ERC2: variants seen among roughly 807,000 people sequenced by gnomAD.
ERC2 encodes ERC protein 2.
Under a neutral mutation model 114.8 loss-of-function variants are expected in ERC2, and 42 were observed. The observed-to-expected ratio is 0.37, with a 90% CI of 0.29 to 0.47. The LOEUF is 0.47. Ranked by LOEUF, ERC2 falls within the 20% of genes least tolerant of loss-of-function variation. The probability of loss-of-function intolerance (pLI) is 0.99; values close to 1 mark genes in which losing one functional copy is unlikely to be tolerated. For missense variants in ERC2, 939 were observed against 1,150.7 expected (o/e 0.82, Z 2.66); for synonymous variants, 454 against 425.5 (o/e 1.07, Z -0.82).
chr3:56,142,638 T>C (rs920662025), intron 5 of ERC2, among the ~76,000 whole-genome samples: 4 of 152,128 alleles, frequency 2.6e-5, no homozygotes, highest in African/African-American at 9.6e-5. Flanking sequence ...CTCTTGTTCT[T>C]TATTCATATT....
At chr3:56,313,196 G>A (rs2150401533) in intron 2 of ERC2, among the ~76,000 whole-genome samples, 1 of 150,154 alleles carries the variant, frequency 6.7e-6, no homozygotes, top group East Asian at 2.0e-4. Context: ...AGGAGGATGG[G>A]GAAATGACTG....
intron 7 of ERC2, among the ~76,000 whole-genome samples, chr3:56,042,324 G>A (rs1292718146): frequency 1.3e-5 from 2 of 152,202 alleles, no homozygotes; most frequent in Non-Finnish European, 2.9e-5. Flanking sequence ...TAAATATTCT[G>A]TTGGCTGAAA....
At chr3:55,541,848 G>A (rs1353845414) in intron 17 of ERC2, among the ~76,000 whole-genome samples, 4 of 152,176 alleles carry the variant, frequency 2.6e-5, no homozygotes, top group African/African-American at 9.7e-5. Context: ...AGGTCAATGT[G>A]TTAATATGCC....
At chr3:55,795,762 T>C (rs992920886) in intron 14 of ERC2, among the ~76,000 whole-genome samples, 25 of 152,158 alleles carry the variant, frequency 1.6e-4, no homozygotes, top group African/African-American at 4.8e-4. Flanking sequence ...CTGCATGACC[T>C]TGGATAAGTG....
chr3:56,443,775 T>A (rs6801539), intron 1 of ERC2, among the ~76,000 whole-genome samples: 2 of 151,810 alleles, frequency 1.3e-5, no homozygotes, highest in African/African-American at 2.4e-5. Context: ...CAATCAATAA[T>A]GCAATCATGT....
intron 2 of ERC2, among the ~76,000 whole-genome samples, chr3:56,351,479 A>G (rs549074705): frequency 2.6e-5 from 4 of 152,358 alleles, no homozygotes; most frequent in Non-Finnish European, 2.9e-5. Context: ...AGGGCAGGGC[A>G]TCATCACCTG....
intron 3 of ERC2, among the ~76,000 whole-genome samples, chr3:56,213,900 G>C (rs2049260224): frequency 6.6e-6 from 1 of 152,184 alleles, no homozygotes; most frequent in East Asian, 1.9e-4. Context: ...ACGGGGTCTA[G>C]AGTGGACCTC....
intron 14 of ERC2, among the ~76,000 whole-genome samples, chr3:55,883,832 G>A (rs1679461169): frequency 6.6e-6 from 1 of 152,024 alleles, no homozygotes; most frequent in Non-Finnish European, 1.5e-5. Context: ...AGCTTGCAGT[G>A]AGCCAAGATT....
chr3:55,961,836 A>G (rs1233035880), intron 12 of ERC2, among the ~76,000 whole-genome samples: 4 of 140,896 alleles, frequency 2.8e-5, no homozygotes, highest in African/African-American at 8.0e-5. Flanking sequence ...TTCCTCACCA[A>G]TGAAATGATA....
At position 55,558,368 on chromosome 3, in the gene ERC2, C is replaced by A. The variant is rs118175404; in HGVS notation, c.*40-47092G>T. On this transcript the variant is annotated intron_variant, in intron 17 of 17. Transcript: ENST00000288221. ...TGGGGAAAATAAGGTCCCAAATATTCTTATATTTGCAGAAACCCTGACCTC... is the reference window on the plus strand; with the variant it reads ...TGGGGAAAATAAGGTCCCAAATATTATTATATTTGCAGAAACCCTGACCTC... 8.0e-4 allele frequency among the ~76,000 whole-genome samples: 122 copies of A among 152,294 alleles called. 1 individual carries two copies. The East Asian group carries it at 0.021, about 27-fold the overall frequency.
intron 14 of ERC2, among the ~76,000 whole-genome samples, chr3:55,854,978 T>C (rs890812343): frequency 6.6e-6 from 1 of 152,128 alleles, no homozygotes; most frequent in African/African-American, 2.4e-5. Context: ...AGTTTTCCTA[T>C]GGCCAAAAGC....
intron 3 of ERC2, among the ~76,000 whole-genome samples, chr3:56,269,904 A>T (rs182447909): frequency 6.6e-6 from 1 of 151,986 alleles, no homozygotes; most frequent in Non-Finnish European, 1.5e-5. Context: ...ATAGTCTTAT[A>T]AAAAAAAGCT....
intron 3 of ERC2, among the ~76,000 whole-genome samples, chr3:56,247,904 T>C (rs563034920): frequency 1.2e-4 from 18 of 152,350 alleles, no homozygotes; most frequent in South Asian, 6.2e-4. Context: ...AGAAAACTCA[T>C]GTAAAGAGTT....
At chr3:56,208,757 A>G (rs969464328) in intron 3 of ERC2, among the ~76,000 whole-genome samples, 11 of 152,172 alleles carry the variant, frequency 7.2e-5, no homozygotes, top group African/African-American at 2.7e-4. Flanking sequence ...ACTCTCCAGC[A>G]GGAAAGAAAG....
At chr3:55,777,574 C>T (rs1394538355) in intron 14 of ERC2, among the ~76,000 whole-genome samples, 1 of 152,136 alleles carries the variant, frequency 6.6e-6, no homozygotes, top group Non-Finnish European at 1.5e-5. Flanking sequence ...ACCCAGAAAG[C>T]CAAATTTGTG....
chr3:55,715,802 T>A (rs1480890020), intron 15 of ERC2, among the ~76,000 whole-genome samples: 3 of 152,234 alleles, frequency 2.0e-5, no homozygotes, highest in South Asian at 4.1e-4. Context: ...TGAAGCTTTA[T>A]AGGACATTTT....
At chr3:55,620,326 T>G (rs1311857450) in intron 17 of ERC2, among the ~76,000 whole-genome samples, 1 of 152,244 alleles carries the variant, frequency 6.6e-6, no homozygotes, top group Non-Finnish European at 1.5e-5. Context: ...AAAATCCAAG[T>G]GTAATTTCCA....
Position 56,313,001 on chromosome 3 carries a change from CATATAT to C in ERC2, c.658-16572_658-16567del, listed in dbSNP as rs3055903. On this transcript the variant is annotated intron_variant, in intron 2 of 17. Transcript: ENST00000288221. The stretch of plus-strand genomic sequence containing the variant: ...TTAATATTTAGTGAATATGTATATT[CATATAT>C]ATATATATATATATATATATATATA... Among the ~76,000 whole-genome samples the C allele has an allele frequency of 8.1e-3, 354 of 43,880 alleles. 5 individuals are homozygous for C. The highest frequency in any genetic ancestry group is 0.019 in the Middle Eastern group (1 of 52). The allele number at this position is 43,880 out of a possible 152,430, so 28.8% of individuals were successfully genotyped here.
At chr3:56,169,274 T>C (rs1193341950) in intron 4 of ERC2, among the ~76,000 whole-genome samples, 3 of 152,242 alleles carry the variant, frequency 2.0e-5, no homozygotes, top group Non-Finnish European at 4.4e-5. Context: ...GAAAACCTGA[T>C]AGTTTCTGCT....
Sources: allele counts gnomAD v4.1 joint callset (sites outside exome capture counted in the v4.1 genomes callset), GRCh38; gene constraint gnomAD v4.1.1; transcripts MANE v1.5; gene names NCBI Gene and HGNC (gene_info 2026-07-23, HGNC 2026-07-21).